NRXN1: variants seen among roughly 807,000 people sequenced by gnomAD.
NRXN1 encodes the protein neurexin 1, also known as neurexin-1.
Under a neutral mutation model 150.9 loss-of-function variants are expected in NRXN1, and 39 were observed. That is an observed-to-expected ratio of 0.26 (90% CI 0.20 to 0.34). NRXN1 has a LOEUF of 0.34. Ranked by LOEUF, NRXN1 falls within the 10% of genes least tolerant of loss-of-function variation. NRXN1 has a pLI of 1.00. For synonymous variants in NRXN1, 924 were observed against 757.0 expected, an observed-to-expected ratio of 1.22 and a Z score of -3.62; for missense variants, 1,815 against 1,949.9, an observed-to-expected ratio of 0.93 and a Z score of 1.30.
At chr2:50,094,236 A>C (rs1289671531) in intron 18 of NRXN1, among the ~76,000 whole-genome samples, 1 of 152,230 alleles carries the variant, frequency 6.6e-6, no homozygotes, top group Non-Finnish European at 1.5e-5. Flanking sequence ...ATGAAGCATA[A>C]AGTTACTTAA....
intron 3 of NRXN1, 111 bp downstream of exon 3, chr2:50,925,827 C>T (rs1686781419): frequency 6.1e-6 from 5 of 823,664 alleles, no homozygotes; most frequent in South Asian, 1.5e-5. Context: ...CAGAAACCAA[C>T]AAATGTTCAG....
In NRXN1 at chr2:50,326,089, A is replaced by G. The variant is rs527716683; in HGVS notation, c.3365-89119T>C. Among the ~76,000 whole-genome samples, 4 of 152,356 alleles carry G rather than the reference A, an allele frequency of 2.6e-5. No individual in the cohort carries two copies. In the South Asian group the frequency reaches 8.3e-4, roughly 32 times the overall value. On this transcript the variant is annotated intron_variant, in intron 17 of 22. Transcript: ENST00000401669. The stretch of plus-strand genomic sequence containing the variant: ...CATAAAGTGTTTATCAGTTTTCATC[A>G]AAACAAAGAAAATAAGACACGATTT...
At chr2:50,199,743 T>C (rs2062030693) in intron 18 of NRXN1, among the ~76,000 whole-genome samples, 1 of 151,962 alleles carries the variant, frequency 6.6e-6, no homozygotes, top group Non-Finnish European at 1.5e-5. Context: ...CATTTTGGGG[T>C]GTAGGAACAA....
intron 22 of NRXN1, among the ~76,000 whole-genome samples, chr2:49,930,475 GGTGAGAA>G (rs1669943024): frequency 6.6e-6 from 1 of 152,050 alleles, no homozygotes; most frequent in Admixed American, 6.6e-5. Context: ...TCTCAATGCT[GGTGAGAA>G]TATTCTTAAT....
chr2:50,159,567 G>A (rs1259859923), intron 18 of NRXN1, among the ~76,000 whole-genome samples: 1 of 152,068 alleles, frequency 6.6e-6, no homozygotes, highest in Non-Finnish European at 1.5e-5. Context: ...TGTCATTAAG[G>A]CTAAAACTGC....
chr2:50,802,453 T>C (rs1707727560), intron 5 of NRXN1, among the ~76,000 whole-genome samples: 1 of 146,294 alleles, frequency 6.8e-6, no homozygotes, highest in African/African-American at 2.6e-5. Context: ...GATCGCACCA[T>C]TGTACTCCAG....
At chr2:50,659,936 C>T (rs1235604686) in intron 5 of NRXN1, among the ~76,000 whole-genome samples, 3 of 151,808 alleles carry the variant, frequency 2.0e-5, no homozygotes, top group Non-Finnish European at 4.4e-5. Flanking sequence ...AACATACTTC[C>T]GCTTTATATT....
chr2:50,184,900 C>T (rs2060966359), intron 18 of NRXN1, among the ~76,000 whole-genome samples: 1 of 152,094 alleles, frequency 6.6e-6, no homozygotes, highest in African/African-American at 2.4e-5. Context: ...GGTCCCATAG[C>T]TAGTAAGTGA....
At chr2:51,024,338 G>C (rs1387806203) in intron 2 of NRXN1, among the ~76,000 whole-genome samples, 1 of 152,040 alleles carries the variant, frequency 6.6e-6, no homozygotes, top group Non-Finnish European at 1.5e-5. Flanking sequence ...AATTAGTTTT[G>C]TTCTATCAGC....
intron 18 of NRXN1, among the ~76,000 whole-genome samples, chr2:50,110,491 CAAAAA>C (rs5831088): frequency 1.2e-5 from 1 of 85,624 alleles, no homozygotes; most frequent in African/African-American, 4.5e-5. Context: ...GACTCTGTCT[CAAAAA>C]AAAAAAAAAA....
At chr2:50,441,951 C>T (rs569506903) in intron 17 of NRXN1, among the ~76,000 whole-genome samples, 1 of 152,256 alleles carries the variant, frequency 6.6e-6, no homozygotes, top group South Asian at 2.1e-4. Context: ...TCTTTCCAAG[C>T]ACTGTTATAT....
chr2:50,169,052 C>T (rs1330102918), intron 18 of NRXN1, among the ~76,000 whole-genome samples: 1 of 152,160 alleles, frequency 6.6e-6, no homozygotes, highest in East Asian at 1.9e-4. Context: ...ATCACTGTAA[C>T]ATAATAATAG....
intron 9 of NRXN1, among the ~76,000 whole-genome samples, chr2:50,541,333 T>C (rs141176400): frequency 4.6e-5 from 7 of 152,248 alleles, no homozygotes; most frequent in African/African-American, 1.4e-4. Context: ...AGGAAATTCA[T>C]TGGCTTCCAC....
intron 15 of NRXN1, among the ~76,000 whole-genome samples, chr2:50,475,388 A>T (rs1307596319): frequency 7.4e-6 from 1 of 135,480 alleles, no homozygotes; most frequent in Non-Finnish European, 1.6e-5. Context: ...GCCACGGTAG[A>T]AAAGAATAAA....
At chr2:50,454,537 T>C (rs571179666) in intron 17 of NRXN1, among the ~76,000 whole-genome samples, 42 of 152,024 alleles carry the variant, frequency 2.8e-4, no homozygotes, top group Non-Finnish European at 4.1e-4. Flanking sequence ...ATTTTGTTCC[T>C]AGTTACGGAA....
intron 2 of NRXN1, among the ~76,000 whole-genome samples, chr2:50,983,248 G>C (rs1433045292): frequency 6.6e-6 from 1 of 152,006 alleles, no homozygotes; most frequent in South Asian, 2.1e-4. Context: ...AAATCAGAGA[G>C]GATGGAAAGA....
rs1165076113 is a variant in NRXN1, at chr2:50,186,751, T to C, written c.3546+50038A>G. ...TTAACCAGCGGAATTTGTGAGGGTATAATATTCATATATTTTATTGAGGAG... is the reference window on the plus strand; with the variant it reads ...TTAACCAGCGGAATTTGTGAGGGTACAATATTCATATATTTTATTGAGGAG... On this transcript the variant is annotated intron_variant, in intron 18 of 22. Coordinates refer to ENST00000401669, the MANE Select transcript of NRXN1 (RefSeq NM_001330078.2). Among the ~76,000 whole-genome samples the C allele has an allele frequency of 2.0e-5, 3 of 152,180 alleles. No homozygotes were observed. In the Middle Eastern group the frequency reaches 0.01, roughly 518 times the overall value.
intron 8 of NRXN1, among the ~76,000 whole-genome samples, chr2:50,599,531 G>C (rs1228234606): frequency 1.3e-5 from 2 of 152,140 alleles, no homozygotes; most frequent in East Asian, 3.8e-4. Context: ...ACATACTTGG[G>C]AATGTTTTTC....
chr2:50,206,143 G>A (rs1574487716), intron 18 of NRXN1, among the ~76,000 whole-genome samples: 1 of 151,644 alleles, frequency 6.6e-6, no homozygotes, highest in East Asian at 1.9e-4. Context: ...TTATTTATTT[G>A]CAAAATTTTC....
Sources: gnomAD v4.1 joint callset for allele counts (sites outside exome capture counted in the v4.1 genomes callset) on GRCh38, gnomAD v4.1.1 for gene constraint, MANE v1.5 for transcripts, NCBI Gene and HGNC (gene_info 2026-07-23, HGNC 2026-07-21) for gene names.